KCNJ15: variants seen among roughly 807,000 people sequenced by gnomAD.
KCNJ15 encodes ATP-sensitive inward rectifier potassium channel 15.
KCNJ15 carries 14 observed loss-of-function variants against 23.0 expected under a neutral mutation model. The observed-to-expected ratio is 0.61, with a 90% confidence interval of 0.40 to 0.95. The LOEUF (loss-of-function observed/expected upper bound fraction) is 0.95. Ranked by LOEUF, KCNJ15 falls within the 40% of genes least tolerant of loss-of-function variation. KCNJ15 has a pLI of 0.00. For synonymous variants in KCNJ15, 185 were observed against 183.2 expected (o/e 1.01, Z -0.08); for missense variants, 388 against 461.8 (o/e 0.84, Z 1.46).
At chr21:38,259,982 A>G (rs1008350452) in intron 1 of KCNJ15, among the ~76,000 whole-genome samples, 2 of 152,214 alleles carry the variant, frequency 1.3e-5, no homozygotes, top group Admixed American at 1.3e-4. Flanking sequence ...GCCTGCTCCT[A>G]CCTTTAAAAG....
chr21:38,277,968 G>T (rs540769148), intron 1 of KCNJ15, among the ~76,000 whole-genome samples: 1 of 152,240 alleles, frequency 6.6e-6, no homozygotes, highest in African/African-American at 2.4e-5. Context: ...GGTGGACATG[G>T]CCCAACCCCT....
intron 2 of KCNJ15, among the ~76,000 whole-genome samples, chr21:38,297,301 C>T (rs2146349348): frequency 6.6e-6 from 1 of 152,338 alleles, no homozygotes; most frequent in Non-Finnish European, 1.5e-5. Flanking sequence ...CATCCCAAGC[C>T]TGGCTTGCTG....
At chr21:38,290,392 T>C (rs746709473) in intron 1 of KCNJ15, among the ~76,000 whole-genome samples, 2 of 152,048 alleles carry the variant, frequency 1.3e-5, no homozygotes, top group Non-Finnish European at 2.9e-5. Flanking sequence ...CAAACAATAA[T>C]AATGGAACAG....
Position 38,296,121 on chromosome 21 carries a change from A to G in KCNJ15, c.-116-805A>G, listed in dbSNP as rs114188975. ...TGATAGATAGATACAGATCATAGAT[A>G]ATTGATAGGTAATAGATCAATAATT... is the stretch of plus-strand genomic sequence containing the variant. On this transcript the variant is annotated intron_variant, in intron 1 of 2. Transcript: ENST00000398938. 7.7e-3 allele frequency among the ~76,000 whole-genome samples: 1,178 copies of G among 152,338 alleles called. 17 individuals are homozygous for G. Among genetic ancestry groups the G allele is most frequent in the African/African-American group, 0.026 (1,100 of 41,566 alleles).
rs1321469007 is a variant in KCNJ15, at chr21:38,299,233, A to G, written c.-18-11A>G. 6.4e-7 allele frequency: 1 copy of G among 1,573,844 alleles called. No individual in the cohort carries two copies. The highest frequency in any genetic ancestry group is 8.6e-7 in the Non-Finnish European group (1 of 1,158,580). ...ATGGCGATAATGAAACATCTTTGTC[A>G]TTTCTCTAAGTGTTTCCAGAGCCTG... is the stretch of plus-strand genomic sequence containing the variant. On this transcript the variant is annotated splice_polypyrimidine_tract_variant and intron_variant, in intron 2 of 2. Transcript: ENST00000398938. The surrounding 1 kb of genome is among the most constrained non-coding windows in gnomAD (Gnocchi z 4.5).
At chr21:38,272,626 C>G (rs534524229) in intron 1 of KCNJ15, 1 of 152,144 alleles carries the variant, frequency 6.6e-6, no homozygotes, top group Non-Finnish European at 1.5e-5. Flanking sequence ...AAAAAGCCAC[C>G]CAGACCTTAA....
chr21:38,242,640 TC>T (rs1433811081), intron 1 of KCNJ15, among the ~76,000 whole-genome samples: 1 of 152,090 alleles, frequency 6.6e-6, no homozygotes, highest in Non-Finnish European at 1.5e-5. Flanking sequence ...GCCCAGCATC[TC>T]TCTTCTGGAG....
intron 1 of KCNJ15, among the ~76,000 whole-genome samples, chr21:38,239,766 T>G (rs569973694): frequency 1.3e-5 from 2 of 152,362 alleles, no homozygotes; most frequent in Non-Finnish European, 2.9e-5. Flanking sequence ...GAAGTCAGCT[T>G]GGGCCCATAT....
chr21:38,294,240 C>A (rs4524188), intron 1 of KCNJ15, among the ~76,000 whole-genome samples: 1 of 151,940 alleles, frequency 6.6e-6, no homozygotes, highest in Non-Finnish European at 1.5e-5. Context: ...ATATATGACA[C>A]GCAAAAAAGC....
chr21:38,271,993 G>T (rs1463252404), intron 1 of KCNJ15, among the ~76,000 whole-genome samples: 2 of 152,158 alleles, frequency 1.3e-5, no homozygotes, highest in Non-Finnish European at 2.9e-5. Flanking sequence ...GAAAGCATGG[G>T]ACCATGACAG....
At chr21:38,255,402 G>A (rs572196866), upstream of KCNJ15, among the ~76,000 whole-genome samples, 3 of 152,250 alleles carry the variant, frequency 2.0e-5, no homozygotes, top group Non-Finnish European at 2.9e-5. Flanking sequence ...GCATATCCTC[G>A]CGGGAGGTCT....
chr21:38,279,257 G>A (rs1306055923), intron 1 of KCNJ15, among the ~76,000 whole-genome samples: 1 of 151,894 alleles, frequency 6.6e-6, no homozygotes, highest in Non-Finnish European at 1.5e-5. Flanking sequence ...ATCAAAGGGA[G>A]GAACCACACA....
chr21:38,289,126 G>A (rs959679044), intron 1 of KCNJ15, among the ~76,000 whole-genome samples: 6 of 150,286 alleles, frequency 4.0e-5, no homozygotes, highest in East Asian at 2.0e-4. Flanking sequence ...GAACCCAGGA[G>A]GCTGAGGTTG....
chr21:38,280,682 G>A (rs1398422668), intron 1 of KCNJ15, among the ~76,000 whole-genome samples: 2 of 152,104 alleles, frequency 1.3e-5, no homozygotes, highest in Non-Finnish European at 2.9e-5. Context: ...GGATCATTTT[G>A]TAATACTGTA....
At chr21:38,256,568 G>A (rs967726643), upstream of KCNJ15, 5 of 151,594 alleles carry the variant, frequency 3.3e-5, no homozygotes, top group Non-Finnish European at 7.4e-5. Context: ...GAGGAGAGAG[G>A]AAAGAGAAAA....
At chr21:38,231,765 C>A (rs144428943) in intron 1 of KCNJ15, among the ~76,000 whole-genome samples, 2 of 151,566 alleles carry the variant, frequency 1.3e-5, no homozygotes, top group South Asian at 2.1e-4. Context: ...GGCATTATAT[C>A]GACTGGTTTT....
intron 1 of KCNJ15, among the ~76,000 whole-genome samples, chr21:38,257,815 G>A (rs1568990747): frequency 6.6e-6 from 1 of 152,152 alleles, no homozygotes; most frequent in Non-Finnish European, 1.5e-5. Flanking sequence ...GCTAATAAAT[G>A]TTATACTGGG....
rs1242425864 is a variant in KCNJ15 at position 38,257,157 on chromosome 21, C to A, written c.-145C>A. ...GACTTGACATAACTTCCCATCCAGCCAGGAGTCTGCACTCTTCAGTCTTTG... is the reference window on the plus strand; with the variant it reads ...GACTTGACATAACTTCCCATCCAGCAAGGAGTCTGCACTCTTCAGTCTTTG... On this transcript the variant is annotated 5_prime_UTR_variant, in exon 1 of 3. Transcript: ENST00000398938. 1 of 152,266 alleles carries A rather than the reference C, an allele frequency of 6.6e-6. No individual in the cohort carries two copies. Among genetic ancestry groups the A allele is most frequent in the Admixed American group, 6.5e-5 (1 of 15,272 alleles). The allele number at this position is 152,266 out of a possible 1,614,324, so 9.4% of individuals were successfully genotyped here.
intron 1 of KCNJ15, among the ~76,000 whole-genome samples, chr21:38,288,026 C>CTTTTTTTTTTTTTTTCTTTTTTTTTTTTT (rs1171718120): frequency 1.3e-5 from 1 of 78,170 alleles, no homozygotes; most frequent in Admixed American, 2.0e-4. Flanking sequence ...TTGTTTTTTT[C>CTTTTTTTTTTTTTTTCTTTTTTTTTTTTT]TTTGTTTTTT....
Sources: allele counts gnomAD v4.1 joint callset (sites outside exome capture counted in the v4.1 genomes callset), GRCh38; gene constraint gnomAD v4.1.1; non-coding constraint Gnocchi (gnomAD v3.1); transcripts MANE v1.5; gene names NCBI Gene and HGNC (gene_info 2026-07-23, HGNC 2026-07-21).